The following ARSG variants were observed in gnomAD, a reference collection of about 807,000 sequenced individuals.
ARSG encodes arylsulfatase G, also known as ASG.
A neutral mutation model predicts 50.5 loss-of-function variants in ARSG; 37 were observed. That is an observed-to-expected ratio of 0.73 (90% CI 0.56 to 0.96). The LOEUF (loss-of-function observed/expected upper bound fraction) is 0.96. Among genes scored for constraint, ARSG ranks in the 50% least tolerant of loss-of-function variants. ARSG has a pLI of 0.00. For missense variants in ARSG, 629 were observed against 675.3 expected, an observed-to-expected ratio of 0.93 and a Z score of 0.76; for synonymous variants, 225 against 254.6, an observed-to-expected ratio of 0.88 and a Z score of 1.11.
chr17:68,316,627 G>T lies in ARSG; in HGVS notation c.218+8916G>T, dbSNP rs117269762. 4.1e-3 allele frequency among the ~76,000 whole-genome samples: 618 copies of T among 152,286 alleles called. 4 individuals carry two copies. The highest frequency in any genetic ancestry group is 6.7e-3 in the Non-Finnish European group (455 of 68,028). On this transcript the variant is annotated intron_variant, in intron 2 of 11. Coordinates refer to ENST00000621439, the MANE Select transcript of ARSG (RefSeq NM_001267727.2). ...CTGTGCTAGTTATTAAACCTTGCTG[G>T]ACCTTAGTATGCTTATCTCTGCAAT...
At position 68,368,975 on chromosome 17, in the gene ARSG, G is replaced by C. The variant is rs3744300; in HGVS notation, c.901+231G>C. ...CACACACAGAGCAGCCACCTTGCTG[G>C]CCCGTTGTGTGTCGATTCAGGCTAT... On this transcript the variant is annotated intron_variant, in intron 7 of 11. Coordinates refer to ENST00000621439, the MANE Select transcript of ARSG (RefSeq NM_001267727.2). 1.1e-3 allele frequency among the ~76,000 whole-genome samples: 171 copies of C among 152,346 alleles called. 5 individuals are homozygous for C. The East Asian group carries it at 0.029, about 25-fold the overall frequency.
intron 2 of ARSG, among the ~76,000 whole-genome samples, chr17:68,339,308 A>ATTTATTTT (rs1243465993): frequency 1.3e-5 from 2 of 152,124 alleles, no homozygotes; most frequent in African/African-American, 2.4e-5. Context: ...AAAAAGAGAA[A>ATTTATTTT]AATAAATAAA....
chr17:68,361,990 G>A (rs1476513709), intron 6 of ARSG, among the ~76,000 whole-genome samples: 4 of 152,110 alleles, frequency 2.6e-5, no homozygotes, highest in African/African-American at 4.8e-5. Context: ...GGGAGAAGTC[G>A]ATGGTTGTAT....
intron 11 of ARSG, among the ~76,000 whole-genome samples, chr17:68,409,816 T>G (rs1455349427): frequency 6.6e-6 from 1 of 151,468 alleles, no homozygotes; most frequent in African/African-American, 2.4e-5. Flanking sequence ...AGTTTGTAGT[T>G]CTCCTTGAAG....
chr17:68,260,333 A>G (rs2144819298), intron 1 of ARSG, among the ~76,000 whole-genome samples: 1 of 152,332 alleles, frequency 6.6e-6, no homozygotes, highest in African/African-American at 2.4e-5. Flanking sequence ...ATCACCAACC[A>G]GAACCTAACC....
In ARSG at chr17:68,307,572, A is replaced by G; in HGVS notation, c.79A>G (p.Ile27Val). 1.2e-6 allele frequency: 2 copies of G among 1,614,152 alleles called. No individual in the cohort carries two copies. Among genetic ancestry groups the G allele is most frequent in the Non-Finnish European group, 1.7e-6 (2 of 1,180,022 alleles). Residue 27 changes from isoleucine to valine, a missense_variant, in exon 2 of 12, where the codon ATC becomes GTC. Coordinates refer to ENST00000621439, the MANE Select transcript of ARSG (RefSeq NM_001267727.2). ...GFLYPLVDFC[I>V]SGKTRGQKPN... ...TCTTTATCCTCTTGTGGATTTTTGCATCAGTGGGAAAACAAGAGGACAGAA... is the reference window on the plus strand; with the variant it reads ...TCTTTATCCTCTTGTGGATTTTTGCGTCAGTGGGAAAACAAGAGGACAGAA...
the ARSG span, among the ~76,000 whole-genome samples, chr17:68,430,959 A>C: frequency 2.0e-5 from 3 of 152,130 alleles, no homozygotes; most frequent in African/African-American, 7.2e-5. Flanking sequence ...CCAATGGGCT[A>C]GGGGGTCTTT....
At chr17:68,417,637 T>C (rs2082456729) in intron 11 of ARSG, among the ~76,000 whole-genome samples, 1 of 151,828 alleles carries the variant, frequency 6.6e-6, no homozygotes, top group Non-Finnish European at 1.5e-5. Context: ...TGTTAAGTTG[T>C]GATTGTTTCT....
chr17:68,348,355 G>T (rs1284748584), intron 4 of ARSG, among the ~76,000 whole-genome samples: 2 of 152,156 alleles, frequency 1.3e-5, no homozygotes, highest in Non-Finnish European at 2.9e-5. Context: ...GGGATACTGA[G>T]ACCAGCTCCT....
At chr17:68,360,208 G>C (rs2079218072) in intron 6 of ARSG, among the ~76,000 whole-genome samples, 1 of 152,216 alleles carries the variant, frequency 6.6e-6, no homozygotes, top group African/African-American at 2.4e-5. Context: ...TGGTTATTAA[G>C]TGAAAAGTCC....
chr17:68,287,325 C>T (rs1336615437), upstream of ARSG, among the ~76,000 whole-genome samples: 1 of 151,376 alleles, frequency 6.6e-6, no homozygotes, highest in African/African-American at 2.4e-5. Context: ...CCTTCTTCTT[C>T]TTCTTTTTTT....
intron 11 of ARSG, among the ~76,000 whole-genome samples, chr17:68,405,949 G>C (rs1368426539): frequency 6.6e-6 from 1 of 152,088 alleles, no homozygotes; most frequent in Non-Finnish European, 1.5e-5. Flanking sequence ...ACATGAGTAA[G>C]TTCTTTAGCG....
the ARSG span, among the ~76,000 whole-genome samples, chr17:68,439,159 T>C: frequency 6.6e-6 from 1 of 152,124 alleles, no homozygotes; most frequent in Non-Finnish European, 1.5e-5. Context: ...ATTTAACATA[T>C]GTCCACACAA....
chr17:68,259,979 C>T (rs2075047750), intron 1 of ARSG, among the ~76,000 whole-genome samples: 1 of 152,116 alleles, frequency 6.6e-6, no homozygotes, highest in Non-Finnish European at 1.5e-5. Flanking sequence ...ATGTAGACAC[C>T]GTTTAATGTC....
intron 6 of ARSG, among the ~76,000 whole-genome samples, chr17:68,365,635 G>A (rs537742037): frequency 1.3e-5 from 2 of 152,290 alleles, no homozygotes; most frequent in South Asian, 2.1e-4. Context: ...GTGGACAGCA[G>A]GACCACCCCT....
intron 11 of ARSG, among the ~76,000 whole-genome samples, chr17:68,419,357 G>A (rs577735198): frequency 3.3e-5 from 5 of 152,148 alleles, no homozygotes; most frequent in African/African-American, 9.6e-5. Context: ...TTAGGAGTTC[G>A]AGACCAGCCT....
Position 68,307,098 on chromosome 17 carries a change from T to C in ARSG, c.-396T>C. ...AACAGCCAAGCAGATGTAAGGCCTG[T>C]GCTGTGGCTCTGAGGCCCTGAATAC... On this transcript the variant is annotated 5_prime_UTR_variant, in exon 2 of 12. Coordinates refer to ENST00000621439, the MANE Select transcript of ARSG (RefSeq NM_001267727.2). 1 of 189,600 alleles carries C rather than the reference T, an allele frequency of 5.3e-6. No individual in the cohort carries two copies. The highest frequency in any genetic ancestry group is 1.1e-5 in the Non-Finnish European group (1 of 91,560). 11.7% of individuals were successfully genotyped at this position (189,600 alleles called of 1,614,324 possible).
rs1451944480 is a variant in ARSG at position 68,385,091 on chromosome 17, G to A, written c.1010G>A (p.Trp337Ter). The change falls in exon 9 of 12, where the codon TGG becomes TAG. Residue 337 changes from tryptophan to a stop codon, truncating the protein, a stop_gained. Transcript: ENST00000621439. LOFTEE classifies it high-confidence loss of function. ...QGGSPAKQTT[W>*]EGGHRVPALA... ...GGAAGTCCAGCCAAGCAGACGACCT[G>A]GGAAGGAGGGCACCGGGTCCCAGCA... 3.1e-6 allele frequency: 5 copies of A among 1,614,056 alleles called. No homozygotes were observed. Among genetic ancestry groups the A allele is most frequent in the Middle Eastern group, 3.3e-4 (2 of 6,062 alleles).
intron 1 of ARSG, among the ~76,000 whole-genome samples, chr17:68,296,399 A>G (rs1353427155): frequency 2.0e-5 from 3 of 152,184 alleles, no homozygotes; most frequent in Admixed American, 6.5e-5. Flanking sequence ...CTGTGTTTCT[A>G]GATTCCCAGG....
Sources: allele counts gnomAD v4.1 joint callset (sites outside exome capture counted in the v4.1 genomes callset), GRCh38; gene constraint gnomAD v4.1.1; transcripts MANE v1.5; gene names NCBI Gene and HGNC (gene_info 2026-07-23, HGNC 2026-07-21).